Variants in HPD observed in about 807,000 individuals in gnomAD.
The protein encoded by HPD is 4-hydroxyphenylpyruvate dioxygenase.
HPD carries 35 observed loss-of-function variants against 56.9 expected under a neutral mutation model. That is an observed-to-expected ratio of 0.62 (90% CI 0.47 to 0.82). The LOEUF (loss-of-function observed/expected upper bound fraction) is 0.82, where lower values mean the gene tolerates loss of function less well. Among genes scored for constraint, HPD ranks in the 40% least tolerant of loss-of-function variants. The pLI, the probability that HPD is intolerant of heterozygous loss-of-function variation, is 0.00. For missense variants in HPD, 442 were observed against 506.8 expected, an observed-to-expected ratio of 0.87 and a Z score of 1.23; for synonymous variants, 186 against 200.2, an observed-to-expected ratio of 0.93 and a Z score of 0.60.
chr12:121,886,553 A>T, the HPD span, among the ~76,000 whole-genome samples: 1 of 151,464 alleles, frequency 6.6e-6, no homozygotes, highest in African/African-American at 2.4e-5. Flanking sequence ...TATACTCTTC[A>T]CGTGGATTTG....
rs997154900 is a variant in HPD, at chr12:121,839,546, A to G, written c.*182T>C. Reference sequence around the variant, plus strand: ...ACAGTATTGGACCGGGGCACGCTTTAATCGGGAGGGCTGGAGCAGAGGGCG... The same window carrying G: ...ACAGTATTGGACCGGGGCACGCTTTGATCGGGAGGGCTGGAGCAGAGGGCG... On this transcript the variant is annotated 3_prime_UTR_variant, in exon 14 of 14. Coordinates refer to ENST00000289004, the MANE Select transcript of HPD (RefSeq NM_002150.3). 1 of 631,068 alleles carries G rather than the reference A, an allele frequency of 1.6e-6. No individual in the cohort carries two copies. The highest frequency in any genetic ancestry group is 2.8e-6 in the Non-Finnish European group (1 of 353,294). The allele number at this position is 631,068 out of a possible 1,614,324, so 39.1% of individuals were successfully genotyped here. A position where few individuals can be genotyped will look rare whatever the true frequency, so the allele number is the denominator to read the frequency against.
the HPD span, among the ~76,000 whole-genome samples, chr12:121,873,039 A>G: frequency 3.3e-5 from 5 of 152,262 alleles, no homozygotes; most frequent in Admixed American, 1.3e-4. Flanking sequence ...GTGAGCATGT[A>G]TTCACTGTCA....
chr12:121,841,049 T>A (rs1877389205), intron 12 of HPD, among the ~76,000 whole-genome samples: 1 of 142,202 alleles, frequency 7.0e-6, no homozygotes. Flanking sequence ...AAAATAAAAA[T>A]AAATTGGCTG....
At chr12:121,845,062 A>C (rs1375211036) in intron 11 of HPD, among the ~76,000 whole-genome samples, 1 of 147,916 alleles carries the variant, frequency 6.8e-6, no homozygotes, top group African/African-American at 2.6e-5. Flanking sequence ...CCAGCCTAGA[A>C]GACAGAGCAA....
upstream of HPD, among the ~76,000 whole-genome samples, chr12:121,862,298 C>CTTT (rs1208844264): frequency 7.1e-6 from 1 of 140,364 alleles, no homozygotes; most frequent in African/African-American, 2.6e-5. Flanking sequence ...CTCTGCATTT[C>CTTT]TTTTTTTTTT....
intron 12 of HPD, among the ~76,000 whole-genome samples, chr12:121,840,455 C>T (rs1291826818): frequency 1.3e-5 from 2 of 152,122 alleles, no homozygotes; most frequent in Admixed American, 1.3e-4. Flanking sequence ...CGCAGGCTAC[C>T]ATGCCCGGCT....
the HPD span, among the ~76,000 whole-genome samples, chr12:121,883,289 T>A: frequency 1.4e-5 from 2 of 146,502 alleles, no homozygotes; most frequent in Admixed American, 1.4e-4. Flanking sequence ...TCAGGAGTCT[T>A]AAAGGCCAAG....
At chr12:121,860,928 A>T (rs547355229), upstream of HPD, among the ~76,000 whole-genome samples, 136 of 152,064 alleles carry the variant, frequency 8.9e-4, no homozygotes, top group African/African-American at 2.7e-3. Flanking sequence ...GGCAGGGCCC[A>T]GTGGCTCACA....
chr12:121,876,805 AG>A, the HPD span, among the ~76,000 whole-genome samples: 1 of 151,960 alleles, frequency 6.6e-6, no homozygotes, highest in South Asian at 2.1e-4. Flanking sequence ...GAACTGTGGC[AG>A]GGCGCGGTGG....
chr12:121,858,816 C>T lies in HPD; in HGVS notation c.3+5G>A. The T allele has an allele frequency of 6.2e-7, 1 of 1,614,162 alleles. No homozygotes were observed. Among genetic ancestry groups the T allele is most frequent in the Non-Finnish European group, 8.5e-7 (1 of 1,180,006 alleles). ...CACCCAAGGGGAGATGGCCATGGCA[C>T]TTACCATGATTGATCTTAGTCAAAC... is the stretch of plus-strand genomic sequence containing the variant. On this transcript the variant is annotated splice_donor_5th_base_variant and intron_variant, in intron 1 of 13. Coordinates refer to ENST00000289004, the MANE Select transcript of HPD (RefSeq NM_002150.3).
intron 6 of HPD, 193 bp downstream of exon 6, chr12:121,856,131 C>T (rs1877986114): frequency 1.5e-6 from 1 of 665,054 alleles, no homozygotes; most frequent in African/African-American, 1.8e-5. Context: ...GTGTGTGTCA[C>T]ACCAGCATCT....
intron 6 of HPD, 170 bp downstream of exon 6, chr12:121,856,154 G>C: frequency 1.4e-6 from 1 of 694,668 alleles, no homozygotes; most frequent in South Asian, 1.5e-5. Flanking sequence ...GCTTGTCACT[G>C]TGATGCAGCA....
intron 11 of HPD, among the ~76,000 whole-genome samples, chr12:121,844,144 G>A (rs1219620689): frequency 2.6e-5 from 4 of 152,002 alleles, no homozygotes; most frequent in East Asian, 1.9e-4. Flanking sequence ...TCTGCCTCCC[G>A]GTTCAAGCGA....
At chr12:121,869,517 C>A in the HPD span, among the ~76,000 whole-genome samples, 1 of 151,404 alleles carries the variant, frequency 6.6e-6, no homozygotes, top group Non-Finnish European at 1.5e-5. Context: ...ATATAAATCC[C>A]TTATCGAATA....
upstream of HPD, among the ~76,000 whole-genome samples, chr12:121,864,169 C>T (rs1208365005): frequency 6.6e-6 from 1 of 151,860 alleles, no homozygotes; most frequent in African/African-American, 2.4e-5. Flanking sequence ...TCACTTGAAC[C>T]CGGGAGGCAG....
chr12:121,867,379 A>T (rs2137646605), upstream of HPD, among the ~76,000 whole-genome samples: 1 of 151,074 alleles, frequency 6.6e-6, no homozygotes. Flanking sequence ...ATTGAGATTC[A>T]TCCACGTTGA....
chr12:121,873,934 G>A, the HPD span, among the ~76,000 whole-genome samples: 1 of 152,190 alleles, frequency 6.6e-6, no homozygotes, highest in African/African-American at 2.4e-5. Flanking sequence ...AGTGGGCTAT[G>A]ATTTTGCCAC....
the HPD span, among the ~76,000 whole-genome samples, chr12:121,870,369 G>A: frequency 5.3e-5 from 8 of 151,814 alleles, no homozygotes; most frequent in Non-Finnish European, 7.4e-5. Context: ...CTAGCTAGGT[G>A]TGGTGGCGCA....
chr12:121,854,552 A>G (rs1409331154), intron 7 of HPD, 151 bp downstream of exon 7: 2 of 724,650 alleles, frequency 2.8e-6, no homozygotes, highest in Non-Finnish European at 5.0e-6. Context: ...GTCCCCGTAC[A>G]CTGGCCAGGC....
Sources: gnomAD v4.1 joint callset for allele counts (sites outside exome capture counted in the v4.1 genomes callset) on GRCh38, gnomAD v4.1.1 for gene constraint, MANE v1.5 for transcripts, NCBI Gene and HGNC (gene_info 2026-07-23, HGNC 2026-07-21) for gene names.